The following PGM1 variants were observed in gnomAD, a reference collection of about 807,000 sequenced individuals.
PGM1 encodes phosphoglucomutase-1.
Under a neutral mutation model 55.6 loss-of-function variants are expected in PGM1, and 52 were observed. That is an observed-to-expected ratio of 0.94 (90% CI 0.75 to 1.18). The LOEUF is 1.18. Ranked by LOEUF, PGM1 falls within the 50% of genes most tolerant of loss-of-function variation. The pLI is 0.00. For missense variants in PGM1, 724 were observed against 729.3 expected, an observed-to-expected ratio of 0.99 and a Z score of 0.08; for synonymous variants, 287 against 271.7, an observed-to-expected ratio of 1.06 and a Z score of -0.55.
At chr1:63,606,747 A>G (rs1414678417) in intron 1 of PGM1, among the ~76,000 whole-genome samples, 1 of 152,240 alleles carries the variant, frequency 6.6e-6, no homozygotes, top group East Asian at 1.9e-4. Context: ...TGATGTTGGG[A>G]AACAACCAAT....
chr1:63,654,280 G>T, intron 9 of PGM1, 52 bp from the exon 10 acceptor site: 1 of 1,600,120 alleles, frequency 6.2e-7, no homozygotes. Context: ...TAATTTGCCA[G>T]CCTTCAGTCT....
intron 10 of PGM1, among the ~76,000 whole-genome samples, chr1:63,657,549 A>G (rs11208259): frequency 0.18 from 26,715 of 152,166 alleles, 2,670 homozygotes; most frequent in Admixed American, 0.28. Flanking sequence ...AATGTTGTAC[A>G]TATTCATATT....
chr1:63,616,896 C>T (rs115812142), intron 1 of PGM1, among the ~76,000 whole-genome samples: 254 of 152,282 alleles, frequency 1.7e-3, no homozygotes, highest in African/African-American at 5.8e-3. Context: ...GCCAATGGCC[C>T]GTCCCAATTG....
chr1:63,639,710 A>G (rs1483857510), intron 7 of PGM1, among the ~76,000 whole-genome samples: 1 of 152,166 alleles, frequency 6.6e-6, no homozygotes, highest in Non-Finnish European at 1.5e-5. Context: ...GAAGAAAAGA[A>G]GATCAAAATC....
chr1:63,648,599 G>A lies in PGM1; in HGVS notation c.1227G>A (p.Val409=). Residue 409 remains valine, a synonymous_variant, in exon 8 of 11, where the codon GTG becomes GTA. Transcript: ENST00000371084. ...LSILATRKQS[V]EDILKDHWQK... is the part of the protein sequence containing the mutation. ...TCCTAGCCACCCGCAAGCAGAGTGT[G>A]GAGGACATTCTCAAAGATCATTGGC... 6.2e-7 allele frequency: 1 copy of A among 1,614,082 alleles called. No individual in the cohort carries two copies. Among genetic ancestry groups the A allele is most frequent in the South Asian group, 1.1e-5 (1 of 91,078 alleles).
chr1:63,651,384 G>A, intron 8 of PGM1: 1 of 387,564 alleles, frequency 2.6e-6, no homozygotes, highest in Non-Finnish European at 4.8e-6. Flanking sequence ...TCTTTCAAAA[G>A]CCTTTGAAAC....
intron 7 of PGM1, among the ~76,000 whole-genome samples, chr1:63,641,150 T>TAA (rs1265983971): frequency 6.6e-6 from 1 of 152,230 alleles, no homozygotes; most frequent in Non-Finnish European, 1.5e-5. Context: ...AGACTATTGT[T>TAA]AAAGTTTGTT....
At chr1:63,599,496 T>G (rs1648173511) in intron 1 of PGM1, among the ~76,000 whole-genome samples, 1 of 89,212 alleles carries the variant, frequency 1.1e-5, no homozygotes, top group Non-Finnish European at 2.0e-5. Flanking sequence ...TAACCCCCAC[T>G]TTAAAAAAAA....
intron 1 of PGM1, among the ~76,000 whole-genome samples, chr1:63,615,883 G>A (rs569664271): frequency 1.7e-4 from 26 of 151,960 alleles, no homozygotes; most frequent in Admixed American, 1.4e-3. Context: ...AACTTAAAGG[G>A]GCACAATTTC....
chr1:63,598,154 TG>T (rs1648136955), intron 1 of PGM1, among the ~76,000 whole-genome samples: 3 of 152,068 alleles, frequency 2.0e-5, no homozygotes, highest in Non-Finnish European at 2.9e-5. Context: ...TTATATTTTT[TG>T]TAGAGATGGG....
intron 1 of PGM1, among the ~76,000 whole-genome samples, chr1:63,603,560 A>G (rs546126820): frequency 1.3e-5 from 2 of 152,344 alleles, no homozygotes; most frequent in Admixed American, 1.3e-4. Context: ...GTAGAACAGA[A>G]TCGTAAGACC....
At position 63,646,640 on chromosome 1, in the gene PGM1, G is replaced by C. The variant is rs553081900; in HGVS notation, c.1145-1877G>C. The stretch of plus-strand genomic sequence containing the variant: ...ATTGTGCCAGCGTCCACTCCCACCA[G>C]CTCTTTGGTGGAATCCCGTTTCCCT... On this transcript the variant is annotated intron_variant, in intron 7 of 10. Coordinates refer to ENST00000371084, the MANE Select transcript of PGM1 (RefSeq NM_002633.3). 3.7e-4 allele frequency among the ~76,000 whole-genome samples: 57 copies of C among 152,254 alleles called. 1 individual carries two copies. The South Asian group carries it at 0.012, about 31-fold the overall frequency.
intron 1 of PGM1, among the ~76,000 whole-genome samples, chr1:63,601,751 C>T (rs549061715): frequency 2.4e-4 from 37 of 152,260 alleles, no homozygotes; most frequent in Non-Finnish European, 4.3e-4. Flanking sequence ...TTGGGATACG[C>T]GGATGGATGT....
chr1:63,593,755 C>G, intron 1 of PGM1, 21 bp downstream of exon 1: 1 of 1,574,416 alleles, frequency 6.4e-7, no homozygotes, highest in Non-Finnish European at 8.6e-7. Flanking sequence ...CGCGGCCCCG[C>G]GCCGCTGTGC....
chr1:63,603,530 A>C (rs1297915665), intron 1 of PGM1, among the ~76,000 whole-genome samples: 3 of 152,244 alleles, frequency 2.0e-5, no homozygotes, highest in Non-Finnish European at 4.4e-5. Context: ...TGTTCCACAT[A>C]AAAAATGAAA....
At chr1:63,593,975 G>C in intron 1 of PGM1, 7 of 1,180,672 alleles carry the variant, frequency 5.9e-6, no homozygotes, top group Non-Finnish European at 7.3e-6. Context: ...CGGGGCGCCG[G>C]GAGGTGCGGG....
At chr1:63,637,022 G>A (rs1649384050) in intron 6 of PGM1, among the ~76,000 whole-genome samples, 1 of 152,170 alleles carries the variant, frequency 6.6e-6, no homozygotes, top group African/African-American at 2.4e-5. Flanking sequence ...AAAAATGAAA[G>A]TCATAACAGA....
intron 7 of PGM1, among the ~76,000 whole-genome samples, chr1:63,639,458 C>G (rs562236889): frequency 6.6e-6 from 1 of 151,992 alleles, no homozygotes; most frequent in East Asian, 2.0e-4. Context: ...CTCTGCTTGT[C>G]CAAATATTGA....
chr1:63,655,404 G>A (rs1649935144), intron 10 of PGM1, among the ~76,000 whole-genome samples: 1 of 152,156 alleles, frequency 6.6e-6, no homozygotes, highest in African/African-American at 2.4e-5. Context: ...AGATTTGGTG[G>A]GGGCAGGGAG....
Sources: gnomAD v4.1 joint callset for allele counts (sites outside exome capture counted in the v4.1 genomes callset) on GRCh38, gnomAD v4.1.1 for gene constraint, MANE v1.5 for transcripts, NCBI Gene and HGNC (gene_info 2026-07-23, HGNC 2026-07-21) for gene names.